The following SLC9A9 variants were observed in gnomAD, a reference collection of about 807,000 sequenced individuals.
SLC9A9 encodes sodium/hydrogen exchanger 9.
A neutral mutation model predicts 77.8 loss-of-function variants in SLC9A9; 62 were observed. The observed-to-expected ratio is 0.80, with a 90% CI of 0.65 to 0.98. The LOEUF is 0.98. Ranked by LOEUF, SLC9A9 falls within the 50% of genes least tolerant of loss-of-function variation. The pLI, the probability that SLC9A9 is intolerant of heterozygous loss-of-function variation, is 0.00. For synonymous variants in SLC9A9, 320 were observed against 283.5 expected, an observed-to-expected ratio of 1.13 and a Z score of -1.29; for missense variants, 775 against 774.9, an observed-to-expected ratio of 1.00 and a Z score of 0.00.
At chr3:143,363,713 A>C (rs1251175528) in intron 13 of SLC9A9, 150 bp from the exon 14 acceptor site, 2 of 652,196 alleles carry the variant, frequency 3.1e-6, no homozygotes, top group East Asian at 6.2e-5. Flanking sequence ...AGCAGTTTCC[A>C]GGCAAATTAG....
intron 4 of SLC9A9, among the ~76,000 whole-genome samples, chr3:143,780,578 A>G (rs1052484806): frequency 6.6e-6 from 1 of 152,266 alleles, no homozygotes. Flanking sequence ...AATGGAAGAT[A>G]TAAGGCTAAA....
At chr3:143,765,626 G>A (rs1340487867) in intron 4 of SLC9A9, among the ~76,000 whole-genome samples, 2 of 152,168 alleles carry the variant, frequency 1.3e-5, no homozygotes, top group African/African-American at 4.8e-5. Flanking sequence ...ATTCGTGATT[G>A]TTGATATAAG....
chr3:143,470,771 C>A (rs979058963), intron 11 of SLC9A9, among the ~76,000 whole-genome samples: 2 of 152,072 alleles, frequency 1.3e-5, no homozygotes, highest in African/African-American at 4.8e-5. Flanking sequence ...AGGAGGTAAG[C>A]AATCATTAAT....
chr3:143,364,525 A>T (rs2032844698), intron 13 of SLC9A9, among the ~76,000 whole-genome samples: 1 of 152,176 alleles, frequency 6.6e-6, no homozygotes, highest in South Asian at 2.1e-4. Context: ...AGTCTACTGG[A>T]TGCTCCACAG....
intron 11 of SLC9A9, among the ~76,000 whole-genome samples, chr3:143,492,788 TA>T (rs1374352353): frequency 6.6e-6 from 1 of 152,212 alleles, no homozygotes; most frequent in Non-Finnish European, 1.5e-5. Context: ...CTATGTACCC[TA>T]AATTGTATTT....
intron 9 of SLC9A9, among the ~76,000 whole-genome samples, chr3:143,504,675 G>C (rs540959404): frequency 1.3e-5 from 2 of 151,642 alleles, no homozygotes; most frequent in Admixed American, 6.6e-5. Context: ...ATTTTTTTAG[G>C]ACCTAAATTG....
intron 2 of SLC9A9, among the ~76,000 whole-genome samples, chr3:143,808,140 C>T (rs924180708): frequency 1.3e-5 from 2 of 152,210 alleles, no homozygotes; most frequent in African/African-American, 4.8e-5. Context: ...AGTAAGAAAG[C>T]CTAAGGTCAA....
intron 14 of SLC9A9, among the ~76,000 whole-genome samples, chr3:143,279,247 G>C (rs7651796): frequency 0.17 from 25,827 of 151,964 alleles, 5,643 homozygotes; most frequent in African/African-American, 0.51. Flanking sequence ...GCCCCACATA[G>C]AGGTACCAGG....
chr3:143,757,016 G>C (rs1379122223), intron 4 of SLC9A9, among the ~76,000 whole-genome samples: 1 of 152,044 alleles, frequency 6.6e-6, no homozygotes, highest in Non-Finnish European at 1.5e-5. Flanking sequence ...CTTTCTACAG[G>C]GGCTTAGATA....
chr3:143,364,544 T>C (rs1467893721), intron 13 of SLC9A9, among the ~76,000 whole-genome samples: 1 of 152,154 alleles, frequency 6.6e-6, no homozygotes, highest in Non-Finnish European at 1.5e-5. Context: ...AGCCAGCCCT[T>C]AGATGAGCTC....
chr3:143,436,909 CA>C (rs1428667225), intron 12 of SLC9A9, among the ~76,000 whole-genome samples: 1 of 152,226 alleles, frequency 6.6e-6, no homozygotes, highest in Admixed American at 6.5e-5. Flanking sequence ...TGTGTCCACT[CA>C]GAAGTCACTT....
chr3:143,365,426 T>G (rs942427011), intron 13 of SLC9A9, among the ~76,000 whole-genome samples: 1 of 152,126 alleles, frequency 6.6e-6, no homozygotes, highest in African/African-American at 2.4e-5. Flanking sequence ...AAAATAAAAG[T>G]TAAAAAAGAA....
At chr3:143,773,641 T>C (rs934315988) in intron 4 of SLC9A9, among the ~76,000 whole-genome samples, 3 of 152,066 alleles carry the variant, frequency 2.0e-5, no homozygotes, top group East Asian at 3.9e-4. Context: ...TGCTCCACCA[T>C]GCCCAGCTAA....
At chr3:143,614,010 C>T (rs763290396) in intron 6 of SLC9A9, among the ~76,000 whole-genome samples, 9 of 152,136 alleles carry the variant, frequency 5.9e-5, no homozygotes, top group Non-Finnish European at 1.3e-4. Context: ...TAGTGTATCT[C>T]TCTTCTATTC....
chr3:143,493,404 T>A (rs879474438), intron 11 of SLC9A9, among the ~76,000 whole-genome samples: 1 of 152,216 alleles, frequency 6.6e-6, no homozygotes. Context: ...ATGTCCACTC[T>A]AGGCCAGTTT....
chr3:143,373,416 T>C (rs59782091), intron 13 of SLC9A9, among the ~76,000 whole-genome samples: 44,335 of 151,740 alleles, frequency 0.29, 6,913 homozygotes, highest in African/African-American at 0.41. Flanking sequence ...TGTAAAGGCA[T>C]ACAGAGTGAC....
At chr3:143,675,726 G>T (rs556931873) in intron 5 of SLC9A9, among the ~76,000 whole-genome samples, 95 of 152,126 alleles carry the variant, frequency 6.2e-4, no homozygotes, top group African/African-American at 2.2e-3. Context: ...AAAATGATTG[G>T]TTATTTTCTC....
intron 9 of SLC9A9, among the ~76,000 whole-genome samples, chr3:143,511,240 C>T (rs1042591598): frequency 6.6e-6 from 1 of 152,298 alleles, no homozygotes; most frequent in Admixed American, 6.5e-5. Flanking sequence ...TTTGCCTGAA[C>T]CTCTCTTCCT....
intron 14 of SLC9A9, among the ~76,000 whole-genome samples, chr3:143,324,492 C>T (rs572775160): frequency 4.6e-5 from 7 of 152,248 alleles, no homozygotes; most frequent in Admixed American, 2.6e-4. Context: ...GGAAAGCACT[C>T]GAAGGCAGTG....
Sources: allele counts gnomAD v4.1 joint callset (sites outside exome capture counted in the v4.1 genomes callset), GRCh38; gene constraint gnomAD v4.1.1; transcripts MANE v1.5; gene names NCBI Gene and HGNC (gene_info 2026-07-23, HGNC 2026-07-21).